GYPB: variants seen among roughly 807,000 people sequenced by gnomAD.
GYPB encodes the protein glycophorin B (MNS blood group).
Under a neutral mutation model 15.3 loss-of-function variants are expected in GYPB, and 13 were observed. That is an observed-to-expected ratio of 0.85 (90% CI 0.55 to 1.35). The LOEUF is 1.35. GYPB is among the 40% of genes most tolerant of loss of function. GYPB has a pLI of 0.00. For synonymous variants in GYPB, 38 were observed against 36.9 expected (o/e 1.03, Z -0.11); for missense variants, 131 against 108.3 (o/e 1.21, Z -0.93).
chr4:144,009,829 G>A (rs1400225553), intron 1 of GYPB, among the ~76,000 whole-genome samples: 3 of 150,408 alleles, frequency 2.0e-5, no homozygotes, highest in Non-Finnish European at 4.4e-5. Flanking sequence ...TAGCCAGGAC[G>A]ATCTCGATCT....
At chr4:143,997,717 A>C (rs1401795933) in intron 3 of GYPB, 83 bp from the exon 4 acceptor site, 12 of 748,848 alleles carry the variant, frequency 1.6e-5, no homozygotes, top group African/African-American at 8.8e-5. Context: ...CATCAGCATA[A>C]CATCACCTTG....
intron 3 of GYPB, among the ~76,000 whole-genome samples, chr4:143,998,247 T>G (rs569619805): frequency 1.3e-5 from 2 of 151,582 alleles, no homozygotes; most frequent in Admixed American, 6.5e-5. Context: ...CTAACAATGC[T>G]TGTTAAGTCA....
chr4:144,004,419 A>G (rs1727783611), intron 1 of GYPB, among the ~76,000 whole-genome samples: 1 of 151,968 alleles, frequency 6.6e-6, no homozygotes, highest in Non-Finnish European at 1.5e-5. Context: ...TGCTATTGGA[A>G]GTCTATAGTT....
Position 143,998,245 on chromosome 4 carries a change from G to T in GYPB, c.176-611C>A, listed in dbSNP as rs548267431. Among the ~76,000 whole-genome samples, 28 of 151,416 alleles carry T rather than the reference G, an allele frequency of 1.8e-4. No homozygotes were observed. The South Asian group carries it at 5.6e-3, about 30-fold the overall frequency. On this transcript the variant is annotated intron_variant, in intron 3 of 4. Coordinates refer to ENST00000502664, the MANE Select transcript of GYPB (RefSeq NM_002100.6). ...AGTCTCCAATATAGTCACTAACAAT[G>T]CTTGTTAAGTCATTTATATGTTGGG...
At chr4:143,996,783 T>TA (rs1284654444) in intron 4 of GYPB, among the ~76,000 whole-genome samples, 1 of 75,356 alleles carries the variant, frequency 1.3e-5, no homozygotes, top group Non-Finnish European at 2.8e-5. Context: ...AAAAAAAATT[T>TA]AAAAAACTTT....
At chr4:144,001,039 A>T in intron 2 of GYPB, 146 bp downstream of exon 2, 1 of 1,402,174 alleles carries the variant, frequency 7.1e-7, no homozygotes, top group South Asian at 1.3e-5. Context: ...TGTAGTAAGA[A>T]TTGTGTCTAC....
chr4:144,002,938 G>A (rs750945537), intron 1 of GYPB, among the ~76,000 whole-genome samples: 39 of 151,104 alleles, frequency 2.6e-4, no homozygotes, highest in Non-Finnish European at 4.7e-4. Flanking sequence ...GTTTATAAAC[G>A]ATTGCCATAT....
chr4:144,005,973 G>A (rs1367291278), intron 1 of GYPB, among the ~76,000 whole-genome samples: 1 of 151,528 alleles, frequency 6.6e-6, no homozygotes, highest in Admixed American at 6.6e-5. Flanking sequence ...CACCTAGCAG[G>A]CAAGTGTTGG....
At chr4:144,017,376 T>G (rs1460583113) in intron 1 of GYPB, among the ~76,000 whole-genome samples, 2 of 150,898 alleles carry the variant, frequency 1.3e-5, no homozygotes, top group Non-Finnish European at 2.9e-5. Flanking sequence ...GAAAAAGACT[T>G]CACCATGTTT....
chr4:144,014,511 G>A (rs1373453547), intron 1 of GYPB, among the ~76,000 whole-genome samples: 8 of 150,846 alleles, frequency 5.3e-5, no homozygotes, highest in Middle Eastern at 3.4e-3. Context: ...CTTTATTTTA[G>A]GTGAAAGAAG....
chr4:144,000,332 G>C (rs1473297319), intron 2 of GYPB: 1 of 382,196 alleles, frequency 2.6e-6, no homozygotes, highest in African/African-American at 2.2e-5. Context: ...TGTAAATAGA[G>C]TTCAATCACA....
chr4:144,006,321 C>G (rs1426804700), intron 1 of GYPB, among the ~76,000 whole-genome samples: 1 of 151,960 alleles, frequency 6.6e-6, no homozygotes, highest in East Asian at 1.9e-4. Flanking sequence ...TCTCTTGTCT[C>G]TTATCCCCAT....
In GYPB at chr4:144,017,356, GAAAA is replaced by G. The variant is rs1229480224; in HGVS notation, c.37+1891_37+1894del. ...TCATAGCAAAAAAAAAAAAGAAAAAGAAAAAAAAAGAAAAAGACTTCACCATGTT... is the reference window on the plus strand; with the variant it reads ...TCATAGCAAAAAAAAAAAAGAAAAAGAAAAAGAAAAAGACTTCACCATGTT... On this transcript the variant is annotated intron_variant, in intron 1 of 4. Transcript: ENST00000502664. 1.0e-3 allele frequency among the ~76,000 whole-genome samples: 144 copies of G among 142,956 alleles called. 11 individuals are homozygous for G. The highest frequency in any genetic ancestry group is 3.9e-3 in the African/African-American group (138 of 35,456). The allele number at this position is 142,956 out of a possible 152,430, so 93.8% of individuals were successfully genotyped here.
Position 143,997,185 on chromosome 4 carries a change from G to A in GYPB, c.270+355C>T, listed in dbSNP as rs1023255522. 7.3e-5 allele frequency among the ~76,000 whole-genome samples: 11 copies of A among 151,184 alleles called. 2 individuals are homozygous for A. The highest frequency in any genetic ancestry group is 2.7e-4 in the African/African-American group (11 of 40,650). On this transcript the variant is annotated intron_variant, in intron 4 of 4. Transcript: ENST00000502664. Reference sequence around the variant, plus strand: ...GCCTCCTCCAAAGTTTTAAACATATGTAAATATATTATTTTAAATATTTTT... The same window carrying A: ...GCCTCCTCCAAAGTTTTAAACATATATAAATATATTATTTTAAATATTTTT...
chr4:143,996,442 G>T lies in GYPB; in HGVS notation c.271-138C>A, dbSNP rs375279656. ...TGGAGGCTTCTAAAGGGTACCTAGG[G>T]GTGTTGCCAAGTTCTTTTGGTTTTA... On this transcript the variant is annotated intron_variant, in intron 4 of 4. Transcript: ENST00000502664. 40 of 1,473,594 alleles carry T rather than the reference G, an allele frequency of 2.7e-5. No individual in the cohort carries two copies. The South Asian group carries it at 3.0e-4, about 11-fold the overall frequency. 91.3% of individuals were successfully genotyped at this position (1,473,594 alleles called of 1,614,324 possible).
chr4:144,018,297 T>C (rs1728610520), intron 1 of GYPB, among the ~76,000 whole-genome samples: 1 of 151,346 alleles, frequency 6.6e-6, no homozygotes, highest in African/African-American at 2.5e-5. Context: ...AACCCAGTTC[T>C]GTCTGTTCCT....
Position 144,012,363 on chromosome 4 carries a change from A to G in GYPB, c.37+6888T>C, listed in dbSNP as rs1214036225. On this transcript the variant is annotated intron_variant, in intron 1 of 4. Transcript: ENST00000502664. Reference sequence around the variant, plus strand: ...ACCTGAGACCTTGCAAAATTTACTTAATCTCTATATTTTTGTTCCATCATT... The same window carrying G: ...ACCTGAGACCTTGCAAAATTTACTTGATCTCTATATTTTTGTTCCATCATT... 1.2e-4 allele frequency: 18 copies of G among 151,466 alleles called. 1 individual carries two copies. The highest frequency in any genetic ancestry group is 2.1e-4 in the South Asian group (1 of 4,830). 9.4% of individuals were successfully genotyped at this position (151,466 alleles called of 1,614,324 possible). A position where few individuals can be genotyped will look rare whatever the true frequency, so the allele number is the denominator to read the frequency against.
chr4:144,006,215 T>C (rs1303987422), intron 1 of GYPB, among the ~76,000 whole-genome samples: 1 of 151,950 alleles, frequency 6.6e-6, no homozygotes, highest in Admixed American at 6.5e-5. Context: ...AATGAATTGG[T>C]ATACTTTCTA....
At chr4:143,996,634 G>T (rs1727325809) in intron 4 of GYPB, among the ~76,000 whole-genome samples, 2 of 150,426 alleles carry the variant, frequency 1.3e-5, no homozygotes, top group Admixed American at 1.3e-4. Context: ...GTCAGGCATG[G>T]TAGCCCGCAC....
Sources: gnomAD v4.1 joint callset for allele counts (sites outside exome capture counted in the v4.1 genomes callset) on GRCh38, gnomAD v4.1.1 for gene constraint, MANE v1.5 for transcripts, NCBI Gene and HGNC (gene_info 2026-07-23, HGNC 2026-07-21) for gene names.